MED23: variants seen among roughly 807,000 people sequenced by gnomAD.
The protein encoded by MED23 is mediator of RNA polymerase II transcription subunit 23.
In MED23, 105 loss-of-function variants were observed where a neutral mutation model predicts 163.9. The observed-to-expected ratio is 0.64, with a 90% CI of 0.55 to 0.75. The LOEUF is 0.75. Ranked by LOEUF, MED23 falls within the 30% of genes least tolerant of loss-of-function variation. MED23 has a pLI of 0.00. For missense variants in MED23, 1,054 were observed against 1,649.0 expected (o/e 0.64, Z 6.25); for synonymous variants, 561 against 565.6 (o/e 0.99, Z 0.12).
chr6:131,618,839 C>T (rs1393101000), intron 8 of MED23, among the ~76,000 whole-genome samples: 1 of 152,222 alleles, frequency 6.6e-6, no homozygotes, highest in African/African-American at 2.4e-5. Flanking sequence ...AACACCACTG[C>T]TTTTGCAGTC....
chr6:131,598,282 C>T lies in MED23; in HGVS notation c.2607+5G>A, dbSNP rs771975277. The T allele has an allele frequency of 3.7e-6, 6 of 1,611,506 alleles. No homozygotes were observed. Among genetic ancestry groups the T allele is most frequent in the Non-Finnish European group, 5.1e-6 (6 of 1,177,768 alleles). On this transcript the variant is annotated splice_donor_5th_base_variant and intron_variant, in intron 20 of 28. Transcript: ENST00000368068. This position sits in a 1 kb window ranked among gnomAD's most constrained non-coding sequence, Gnocchi z 4.7. ...GAATAAGCTTAGAAATGTATTTATT[C>T]TTACCAGGCAGAGAATTAATCTGTC... is the stretch of plus-strand genomic sequence containing the variant.
chr6:131,592,271 C>G, intron 25 of MED23, 117 bp downstream of exon 25: 1 of 866,684 alleles, frequency 1.2e-6, no homozygotes. Flanking sequence ...TAAAATACTT[C>G]ATTAATTTGC....
intron 23 of MED23, 74 bp downstream of exon 23, chr6:131,594,025 A>T: frequency 1.5e-6 from 2 of 1,291,850 alleles, no homozygotes; most frequent in Non-Finnish European, 2.2e-6. Context: ...AAATTACTTT[A>T]AAAGAAAAAA....
downstream of MED23, chr6:131,582,571 A>G (rs1382167621): frequency 1.4e-6 from 2 of 1,417,052 alleles, no homozygotes; most frequent in Non-Finnish European, 2.0e-6. Context: ...TGAATGTAGG[A>G]TTTGTTCAAG....
intron 10 of MED23, chr6:131,615,672 A>G (rs921478537): frequency 3.8e-5 from 23 of 602,140 alleles, no homozygotes; most frequent in Non-Finnish European, 6.2e-5. Flanking sequence ...GGCCTTATAG[A>G]AAAAAAAGCA....
Position 131,586,952 on chromosome 6 carries a change from A to G in MED23, c.*727T>C, listed in dbSNP as rs1381494018. 1 of 1,482,274 alleles carries G rather than the reference A, an allele frequency of 6.7e-7. No homozygotes were observed. The highest frequency in any genetic ancestry group is 9.0e-7 in the Non-Finnish European group (1 of 1,107,172). The allele number at this position is 1,482,274 out of a possible 1,614,324, so 91.8% of individuals were successfully genotyped here. A position where few individuals can be genotyped will look rare whatever the true frequency, so the allele number is the denominator to read the frequency against. ...AGAGTGTCAACCTGCAAAAGCAATT[A>G]ACTTATTTTTAAAAAAAGAAATTGG... is the stretch of plus-strand genomic sequence containing the variant. On this transcript the variant is annotated 3_prime_UTR_variant, in exon 29 of 29. Transcript: ENST00000368068.
intron 12 of MED23, 107 bp downstream of exon 12, chr6:131,607,821 T>A (rs1004790975): frequency 8.0e-7 from 1 of 1,255,474 alleles, no homozygotes; most frequent in Admixed American, 1.9e-5. Context: ...CAATTGTGAT[T>A]TAGCATAAAC....
chr6:131,587,841 C>T lies in MED23; in HGVS notation c.3945G>A (p.Glu1315=), dbSNP rs777412220. 33 of 1,611,960 alleles carry T rather than the reference C, an allele frequency of 2.0e-5. No individual in the cohort carries two copies. Among genetic ancestry groups the T allele is most frequent in the Non-Finnish European group, 2.7e-5 (32 of 1,178,756 alleles). The change falls in exon 29 of 29, where the codon GAG becomes GAA. Residue 1315 remains glutamate, a synonymous_variant. Coordinates refer to ENST00000368068, the MANE Select transcript of MED23 (RefSeq NM_004830.4). ...CTGGTTTTAAGTTACAGATAATCTT[C>T]TCTACCTAAGAAATAAAAACACATT... ...FTGDSVKEQV[E]KIICNLKPAL... is the part of the protein sequence containing the mutation.
downstream of MED23, among the ~76,000 whole-genome samples, chr6:131,585,557 C>T (rs1774147553): frequency 6.6e-6 from 1 of 152,088 alleles, no homozygotes; most frequent in Admixed American, 6.5e-5. Context: ...TAAATTAAAG[C>T]TTAATAAAAT....
intron 12 of MED23, 38 bp from the exon 13 acceptor site, chr6:131,606,662 A>AAAGAGAAGAATTAAAT: frequency 2.0e-6 from 3 of 1,492,946 alleles, no homozygotes; most frequent in Non-Finnish European, 2.8e-6. Flanking sequence ...ACAATAGAAG[A>AAAGAGAAGAATTAAAT]AAGAGAAGAA....
intron 22 of MED23, 106 bp from the exon 23 acceptor site, chr6:131,594,441 A>G (rs1648267098): frequency 1.1e-6 from 1 of 873,026 alleles, no homozygotes; most frequent in African/African-American, 1.6e-5. Flanking sequence ...CAGAAGATTT[A>G]TGAAACAACT....
chr6:131,618,136 A>G (rs1334322870), intron 9 of MED23, among the ~76,000 whole-genome samples: 1 of 152,232 alleles, frequency 6.6e-6, no homozygotes, highest in Admixed American at 6.5e-5. Flanking sequence ...TAATCAAGGA[A>G]TCAATTTAAA....
intron 5 of MED23, 30 bp downstream of exon 5, chr6:131,623,321 C>A (rs768624593): frequency 2.6e-6 from 4 of 1,539,660 alleles, no homozygotes; most frequent in African/African-American, 2.7e-5. Flanking sequence ...TATCTGAAAG[C>A]AATCACTTTT....
At chr6:131,600,286 C>T in intron 17 of MED23, 124 bp from the exon 18 acceptor site, 1 of 948,704 alleles carries the variant, frequency 1.1e-6, no homozygotes, top group Non-Finnish European at 1.6e-6. Context: ...CACTGCTTAA[C>T]TAGTTATATT....
chr6:131,623,009 G>A (rs1777222022), intron 5 of MED23, among the ~76,000 whole-genome samples: 1 of 152,202 alleles, frequency 6.6e-6, no homozygotes, highest in Non-Finnish European at 1.5e-5. Flanking sequence ...CTTCATCAGT[G>A]ATGCCTACAT....
downstream of MED23, chr6:131,584,315 CTCTT>C (rs1240820800): frequency 1.5e-5 from 3 of 196,852 alleles, no homozygotes; most frequent in Non-Finnish European, 3.1e-5. Context: ...TTATAATAAA[CTCTT>C]TATAACAAGA....
downstream of MED23, chr6:131,584,300 A>G (rs1466025813): frequency 1.5e-5 from 3 of 198,712 alleles, no homozygotes; most frequent in Non-Finnish European, 3.1e-5. Context: ...AAAAAATGTG[A>G]TTTTTTATAA....
At chr6:131,577,910 A>G (rs985238642) in intron 30 of MED23, among the ~76,000 whole-genome samples, 1 of 151,886 alleles carries the variant, frequency 6.6e-6, no homozygotes, top group African/African-American at 2.4e-5. Flanking sequence ...TCTCCAAAAA[A>G]AAAAAAAAAA....
chr6:131,612,593 A>G (rs900177859), intron 10 of MED23, among the ~76,000 whole-genome samples: 2 of 152,130 alleles, frequency 1.3e-5, no homozygotes, highest in Non-Finnish European at 2.9e-5. Flanking sequence ...TGACATATAT[A>G]GTTAAATTTG....
Sources: gnomAD v4.1 joint callset for allele counts (sites outside exome capture counted in the v4.1 genomes callset) on GRCh38, gnomAD v4.1.1 for gene constraint, Gnocchi (gnomAD v3.1) non-coding constraint, MANE v1.5 for transcripts, NCBI Gene and HGNC (gene_info 2026-07-23, HGNC 2026-07-21) for gene names.